Variants in POU6F2 observed in about 807,000 individuals in gnomAD.
The protein encoded by POU6F2 is POU class 6 homeobox 2.
A neutral mutation model predicts 71.3 loss-of-function variants in POU6F2; 31 were observed. The observed-to-expected ratio is 0.43, with a 90% CI of 0.33 to 0.59. The LOEUF (loss-of-function observed/expected upper bound fraction) is 0.59, where lower values mean the gene tolerates loss of function less well. Among genes scored for constraint, POU6F2 ranks in the 20% least tolerant of loss-of-function variants. The pLI is 0.04. For synonymous variants in POU6F2, 347 were observed against 355.7 expected (o/e 0.98, Z 0.27); for missense variants, 783 against 856.8 (o/e 0.91, Z 1.07).
chr7:39,112,908 T>C (rs190772051), intron 2 of POU6F2, among the ~76,000 whole-genome samples: 11 of 152,292 alleles, frequency 7.2e-5, no homozygotes, highest in African/African-American at 2.6e-4. Flanking sequence ...TTTAACCCCC[T>C]AATTAACTAT....
chr7:39,432,739 G>A (rs1422555839), intron 6 of POU6F2, among the ~76,000 whole-genome samples: 1 of 152,156 alleles, frequency 6.6e-6, no homozygotes, highest in South Asian at 2.1e-4. Flanking sequence ...GGCCTTGAGT[G>A]CTGTGAGAAG....
chr7:39,304,757 T>G (rs1785019055), intron 4 of POU6F2, among the ~76,000 whole-genome samples: 1 of 152,232 alleles, frequency 6.6e-6, no homozygotes, highest in Admixed American at 6.5e-5. Flanking sequence ...TTTTGGTATC[T>G]TGCAGAAAAT....
chr7:39,406,833 G>T (rs1372166786), intron 6 of POU6F2, 93 bp downstream of exon 6: 1 of 1,473,054 alleles, frequency 6.8e-7, no homozygotes, highest in South Asian at 1.1e-5. Context: ...ATATGTAACC[G>T]CATCTATTCG....
intron 1 of POU6F2, among the ~76,000 whole-genome samples, chr7:39,016,598 A>T (rs1341407115): frequency 6.6e-6 from 1 of 152,154 alleles, no homozygotes; most frequent in Non-Finnish European, 1.5e-5. Flanking sequence ...AGCTAACCAA[A>T]GTCAAATATT....
intron 1 of POU6F2, among the ~76,000 whole-genome samples, chr7:39,009,688 A>G (rs949321213): frequency 6.6e-6 from 1 of 152,092 alleles, no homozygotes; most frequent in African/African-American, 2.4e-5. Context: ...TTATTTTGAA[A>G]TACGTCCCAT....
chr7:39,219,416 T>G (rs2128748097), intron 4 of POU6F2, among the ~76,000 whole-genome samples: 1 of 152,282 alleles, frequency 6.6e-6, no homozygotes, highest in Middle Eastern at 3.4e-3. Flanking sequence ...TGAGTCCTTT[T>G]TTCCCTTCCT....
intron 4 of POU6F2, among the ~76,000 whole-genome samples, chr7:39,303,635 C>T (rs767871889): frequency 2.0e-5 from 3 of 152,186 alleles, no homozygotes; most frequent in Non-Finnish European, 4.4e-5. Flanking sequence ...AGGCTAGGCT[C>T]ACTTCCTTCC....
chr7:39,272,696 T>A (rs1784362567), intron 4 of POU6F2, among the ~76,000 whole-genome samples: 1 of 152,240 alleles, frequency 6.6e-6, no homozygotes, highest in Non-Finnish European at 1.5e-5. Flanking sequence ...AATTTGCTAA[T>A]GTGGGACTTT....
intron 1 of POU6F2, chr7:39,034,434 C>G (rs140865112): frequency 2.5e-6 from 1 of 395,708 alleles, no homozygotes; most frequent in South Asian, 1.8e-5. Context: ...GAAGTGTTCT[C>G]GGCAGGAGCA....
rs749474648 is a variant in POU6F2 at position 39,433,243 on chromosome 7, C to T, written c.1280C>T (p.Thr427Ile). Reference protein sequence around the residue: ...IGNQILPVINTQGITLSPIKP... With the variant: ...IGNQILPVINIQGITLSPIKP... ...AACCAGATCCTGCCCGTGATCAACA[C>T]CCAGGGCATCACGCTGTCACCCATC... Residue 427 changes from threonine (T) to isoleucine (I), a missense_variant, in exon 7 of 10, where the codon ACC (threonine) becomes ATC (isoleucine). Physicochemically the swap from Thr to Ile is moderately conservative, Grantham distance 89 (BLOSUM62 -1). This residue lies in a region of POU6F2 where 572 missense variants were observed against 572.9 expected (regional missense o/e 1.00). Coordinates refer to ENST00000518318, the MANE Select transcript of POU6F2 (RefSeq NM_001370959.1). 17 of 1,613,826 alleles carry T rather than the reference C, an allele frequency of 1.1e-5. No homozygotes were observed. The highest frequency in any genetic ancestry group is 1.0e-4 in the Admixed American group (6 of 60,006).
In POU6F2 at chr7:39,236,506, G is replaced by A. The variant is rs563769590; in HGVS notation, c.598+28886G>A. Among the ~76,000 whole-genome samples the A allele has an allele frequency of 2.3e-3, 350 of 152,148 alleles. 4 individuals are homozygous for A. The highest frequency in any genetic ancestry group is 8.1e-3 in the African/African-American group (335 of 41,518). On this transcript the variant is annotated intron_variant, in intron 4 of 9. Coordinates refer to ENST00000518318, the MANE Select transcript of POU6F2 (RefSeq NM_001370959.1). ...AATTTGAAATTTGCTGTATGATGCT[G>A]CCGCTTTTCATTTTTTACCATTTCA...
At chr7:39,107,039 C>CTTTTTTTTTTT (rs70977458) in intron 2 of POU6F2, among the ~76,000 whole-genome samples, 4 of 130,912 alleles carry the variant, frequency 3.1e-5, no homozygotes, top group Non-Finnish European at 6.5e-5. Context: ...TTCTTTCTTT[C>CTTTTTTTTTTT]TTTTTTTTTT....
chr7:39,211,162 C>G (rs1418570743), intron 4 of POU6F2, among the ~76,000 whole-genome samples: 2 of 152,172 alleles, frequency 1.3e-5, no homozygotes, highest in African/African-American at 4.8e-5. Context: ...CCTGCTGATA[C>G]CATCACCTTG....
chr7:39,351,933 A>C (rs1357158030), intron 5 of POU6F2, among the ~76,000 whole-genome samples: 1 of 152,146 alleles, frequency 6.6e-6, no homozygotes, highest in East Asian at 1.9e-4. Context: ...CTCCTTCTAA[A>C]GTGATGTTAT....
chr7:39,418,360 C>A, intron 6 of POU6F2, among the ~76,000 whole-genome samples: 1 of 152,236 alleles, frequency 6.6e-6, no homozygotes, highest in East Asian at 1.9e-4. Flanking sequence ...TTTGCACTAT[C>A]ATCTCTAATT....
chr7:39,326,043 C>T (rs1382776053), intron 4 of POU6F2, among the ~76,000 whole-genome samples: 3 of 152,110 alleles, frequency 2.0e-5, no homozygotes, highest in African/African-American at 7.2e-5. Flanking sequence ...TAATTTTAAA[C>T]CTTTTAACCT....
chr7:39,295,611 G>A (rs191826474), intron 4 of POU6F2, among the ~76,000 whole-genome samples: 208 of 152,196 alleles, frequency 1.4e-3, no homozygotes, highest in African/African-American at 4.5e-3. Context: ...GTGAGACTCC[G>A]TCTCCAAAAA....
chr7:39,169,169 C>T (rs1793168458), intron 2 of POU6F2, among the ~76,000 whole-genome samples: 1 of 152,166 alleles, frequency 6.6e-6, no homozygotes, highest in Non-Finnish European at 1.5e-5. Flanking sequence ...TTATTTTGTT[C>T]AAACAACTGT....
chr7:39,052,045 A>C (rs756348182), intron 1 of POU6F2, among the ~76,000 whole-genome samples: 1 of 152,018 alleles, frequency 6.6e-6, no homozygotes, highest in Non-Finnish European at 1.5e-5. Flanking sequence ...CTGACTGCTG[A>C]TTATTTGGGT....
Sources: gnomAD v4.1 joint callset for allele counts (sites outside exome capture counted in the v4.1 genomes callset) on GRCh38, gnomAD v4.1.1 for gene constraint, gnomAD v4.1.1 regional missense constraint, MANE v1.5 for transcripts, NCBI Gene and HGNC (gene_info 2026-07-23, HGNC 2026-07-21) for gene names.